Variants in IQCK observed in about 807,000 individuals in gnomAD.
IQCK encodes IQ motif containing K, also known as IQ domain-containing protein K.
A neutral mutation model predicts 28.1 loss-of-function variants in IQCK; 29 were observed. The ratio of observed to expected loss-of-function variants is 1.03; its 90% confidence interval spans 0.77 to 1.41. The LOEUF is 1.41. IQCK is among the 40% of genes most tolerant of loss of function. IQCK has a pLI of 0.00. For synonymous variants in IQCK, 113 were observed against 115.1 expected (o/e 0.98, Z 0.12); for missense variants, 359 against 314.7 (o/e 1.14, Z -1.07).
intron 7 of IQCK, among the ~76,000 whole-genome samples, chr16:19,816,520 G>A (rs1401169193): frequency 6.6e-6 from 1 of 152,184 alleles, no homozygotes; most frequent in Non-Finnish European, 1.5e-5. Context: ...GACCTCAGGG[G>A]ATCCACCCGC....
intron 7 of IQCK, among the ~76,000 whole-genome samples, chr16:19,818,546 C>T (rs1303019744): frequency 6.6e-6 from 1 of 152,118 alleles, no homozygotes; most frequent in East Asian, 1.9e-4. Flanking sequence ...ACATGTACCA[C>T]GATGCCCACC....
chr16:19,826,992 G>C, intron 7 of IQCK, 34 bp from the exon 8 acceptor site: 1 of 1,433,414 alleles, frequency 7.0e-7, no homozygotes, highest in Non-Finnish European at 9.9e-7. Flanking sequence ...GAAGTGTGTC[G>C]AAAAGGGACT....
intron 1 of IQCK, among the ~76,000 whole-genome samples, chr16:19,723,048 T>C (rs1977545236): frequency 1.3e-5 from 2 of 152,080 alleles, no homozygotes; most frequent in Admixed American, 6.6e-5. Context: ...CACACTCTCA[T>C]TTGCCAGTCC....
intron 9 of IQCK, among the ~76,000 whole-genome samples, chr16:19,851,273 A>G (rs1220615625): frequency 6.6e-6 from 1 of 152,038 alleles, no homozygotes; most frequent in Non-Finnish European, 1.5e-5. Flanking sequence ...CACCCACAGC[A>G]CTGAGGGGGA....
chr16:19,776,602 G>T (rs1175475652), intron 6 of IQCK, among the ~76,000 whole-genome samples: 1 of 152,162 alleles, frequency 6.6e-6, no homozygotes, highest in Non-Finnish European at 1.5e-5. Context: ...CCAGCTACTT[G>T]GGAGGCTGAG....
intron 2 of IQCK, 106 bp from the exon 3 acceptor site, chr16:19,733,592 C>T: frequency 3.0e-6 from 4 of 1,341,054 alleles, no homozygotes; most frequent in Non-Finnish European, 3.1e-6. Flanking sequence ...CCCCCTTGAA[C>T]CTTAAAGTCT....
intron 4 of IQCK, among the ~76,000 whole-genome samples, chr16:19,758,864 G>A (rs541884755): frequency 1.8e-4 from 27 of 152,114 alleles, no homozygotes; most frequent in Admixed American, 6.5e-4. Context: ...TAAAGGTTTC[G>A]GTAAAAAGTG....
rs188003401 is a variant in IQCK at position 19,773,877 on chromosome 16, A to G, written c.605+9765A>G. Reference sequence around the variant, plus strand: ...TTATGATTACATCAGGAGTTCAGGAACTTGATATGTGACAGTCTTCAGTGA... The same window carrying G: ...TTATGATTACATCAGGAGTTCAGGAGCTTGATATGTGACAGTCTTCAGTGA... On this transcript the variant is annotated intron_variant, in intron 6 of 7. Transcript: ENST00000564186. Among the ~76,000 whole-genome samples, 121 of 152,320 alleles carry G rather than the reference A, an allele frequency of 7.9e-4. 1 individual carries two copies. Among genetic ancestry groups the G allele is most frequent in the Non-Finnish European group, 8.2e-4 (56 of 68,024 alleles).
intron 7 of IQCK, among the ~76,000 whole-genome samples, chr16:19,792,435 T>G (rs143107836): frequency 9.7e-6 from 1 of 102,696 alleles, no homozygotes; most frequent in Admixed American, 8.7e-5. Context: ...TAAAGCATAT[T>G]GTATATTTTG....
chr16:19,718,359 G>C, exon 1 of IQCK: 6 of 1,610,092 alleles, frequency 3.7e-6, no homozygotes, highest in Non-Finnish European at 5.1e-6. Flanking sequence ...AAGCCCAGCT[G>C]CTCTACAGAC....
At chr16:19,809,111 C>T (rs1185569179) in intron 7 of IQCK, among the ~76,000 whole-genome samples, 2 of 152,238 alleles carry the variant, frequency 1.3e-5, no homozygotes, top group Non-Finnish European at 2.9e-5. Context: ...CCTGCCTCAG[C>T]CTCCCACAGT....
In IQCK at chr16:19,799,603, C is replaced by T. The variant is rs867276712; in HGVS notation, c.690+10681C>T. Among the ~76,000 whole-genome samples, 574 of 128,152 alleles carry T rather than the reference C, an allele frequency of 4.5e-3. 35 individuals carry two copies. The highest frequency in any genetic ancestry group is 0.023 in the Middle Eastern group (6 of 260). 84.1% of individuals were successfully genotyped at this position (128,152 alleles called of 152,430 possible). ...TATTTTATATATATATATATACACA[C>T]ACACACACACACACACACACACACA... On this transcript the variant is annotated intron_variant, in intron 7 of 7. Transcript: ENST00000564186.
chr16:19,817,640 A>G (rs1435014726), intron 7 of IQCK, among the ~76,000 whole-genome samples: 2 of 152,116 alleles, frequency 1.3e-5, no homozygotes, highest in African/African-American at 4.8e-5. Context: ...GTTGTTGAGT[A>G]TTTAGGTAAT....
At position 19,735,870 on chromosome 16, in the gene IQCK, G is replaced by T. The variant is rs1334125658; in HGVS notation, c.474+420G>T. The T allele has an allele frequency of 3.5e-5, 12 of 343,212 alleles. 1 individual carries two copies. The highest frequency in any genetic ancestry group is 2.1e-4 in the South Asian group (9 of 42,616). 21.3% of individuals were successfully genotyped at this position (343,212 alleles called of 1,614,324 possible). A position where few individuals can be genotyped will look rare whatever the true frequency, so the allele number is the denominator to read the frequency against. On this transcript the variant is annotated intron_variant, in intron 4 of 7. Coordinates refer to ENST00000564186, the Ensembl canonical transcript of IQCK. ...TTGATGCCAGGAGCTCAAGACCACT[G>T]GGCAACATAGTGAGACCCCCATCTC...
intron 6 of IQCK, among the ~76,000 whole-genome samples, chr16:19,768,702 C>T (rs937613821): frequency 3.3e-5 from 5 of 152,064 alleles, no homozygotes; most frequent in African/African-American, 9.7e-5. Context: ...GCCAAGTTCG[C>T]ACCACTGCAC....
downstream of IQCK, among the ~76,000 whole-genome samples, chr16:19,828,250 T>C (rs1327099611): frequency 5.5e-5 from 7 of 127,680 alleles, no homozygotes; most frequent in Non-Finnish European, 9.9e-5. Flanking sequence ...TTTTTTTTTT[T>C]TGAGATGGAG....
exon 10 of IQCK, chr16:19,856,627 CTT>C: frequency 1.8e-6 from 2 of 1,129,502 alleles, no homozygotes; most frequent in Admixed American, 1.8e-5. Flanking sequence ...TGCTCTCTCT[CTT>C]GTGATTTCTT....
intron 4 of IQCK, among the ~76,000 whole-genome samples, chr16:19,760,431 C>G (rs2055120832): frequency 1.3e-5 from 2 of 152,286 alleles, no homozygotes; most frequent in South Asian, 4.1e-4. Context: ...CTCTCTTCTT[C>G]CTTGTTAATA....
At chr16:19,750,160 G>A (rs773644905) in intron 4 of IQCK, among the ~76,000 whole-genome samples, 5 of 151,678 alleles carry the variant, frequency 3.3e-5, no homozygotes, top group Admixed American at 6.6e-5. Context: ...GGAGTGTCGC[G>A]CCGTGGCCCA....
Sources: gnomAD v4.1 joint callset for allele counts (sites outside exome capture counted in the v4.1 genomes callset) on GRCh38, gnomAD v4.1.1 for gene constraint, MANE v1.5 for transcripts, NCBI Gene and HGNC (gene_info 2026-07-23, HGNC 2026-07-21) for gene names.